SAMD11: variants seen among roughly 807,000 people sequenced by gnomAD.
The protein encoded by SAMD11 is sterile alpha motif domain-containing protein 11.
Under a neutral mutation model 64.4 loss-of-function variants are expected in SAMD11, and 77 were observed. The observed-to-expected ratio is 1.20, with a 90% CI of 0.99 to 1.44. SAMD11 has a LOEUF of 1.44. SAMD11 is among the 40% of genes most tolerant of loss of function. The pLI is 0.00. For missense variants in SAMD11, 1,402 were observed against 943.3 expected, an observed-to-expected ratio of 1.49 and a Z score of -6.37; for synonymous variants, 658 against 421.9, an observed-to-expected ratio of 1.56 and a Z score of -6.86.
At position 939,221 on chromosome 1, in the gene SAMD11, C is replaced by T. The variant is rs112697377; in HGVS notation, c.1058-54C>T. On this transcript the variant is annotated intron_variant, in intron 6 of 13. Coordinates refer to ENST00000616016, the MANE Select transcript of SAMD11 (RefSeq NM_001385641.1). ...ACCTCGAGCAGGCACTCTAGAGGGG[C>T]GTGGTCCTCGGCAGTGCCTGGAGAA... 1,187 of 1,553,278 alleles carry T rather than the reference C, an allele frequency of 7.6e-4. 13 individuals are homozygous for T. In the African/African-American group the frequency reaches 0.014, roughly 18 times the overall value.
intron 2 of SAMD11, among the ~76,000 whole-genome samples, chr1:926,323 C>T (rs1041710368): frequency 2.6e-5 from 4 of 152,232 alleles, no homozygotes; most frequent in Admixed American, 1.3e-4. Context: ...GGTCTTCTCC[C>T]TGGGAGGAGT....
Position 944,506 on chromosome 1 carries a change from A to C in SAMD11, c.*353A>C. 4 of 636,446 alleles carry C rather than the reference A, an allele frequency of 6.3e-6. No homozygotes were observed. Among genetic ancestry groups the C allele is most frequent in the South Asian group, 4.1e-5 (2 of 48,576 alleles). The allele number at this position is 636,446 out of a possible 1,614,324, so 39.4% of individuals were successfully genotyped here. ...ACAGCTGTGGGGCTTCAGCAGCCACACCAGCCCAGCCCAGCCCAGCTCTCG... is the reference window on the plus strand; with the variant it reads ...ACAGCTGTGGGGCTTCAGCAGCCACCCCAGCCCAGCCCAGCCCAGCTCTCG... On this transcript the variant is annotated 3_prime_UTR_variant, in exon 14 of 14. Transcript: ENST00000616016.
intron 6 of SAMD11, 62 bp downstream of exon 6, chr1:939,191 C>T (rs1641615471): frequency 2.6e-6 from 4 of 1,552,386 alleles, no homozygotes; most frequent in Non-Finnish European, 3.5e-6. Flanking sequence ...CTGAGGGTCC[C>T]CTGGACCTCG....
intron 12 of SAMD11, 108 bp downstream of exon 12, chr1:943,485 C>T (rs1283282726): frequency 2.7e-6 from 3 of 1,110,858 alleles, no homozygotes; most frequent in African/African-American, 1.6e-5. Flanking sequence ...CTCTCCCTCC[C>T]CAAAAGCAGT....
In SAMD11 at chr1:941,157, C is replaced by G. The variant is rs1641742585; in HGVS notation, c.1209C>G (p.Val403=). Residue 403 remains valine, a synonymous_variant, in exon 8 of 14, where the codon GTC becomes GTG. Coordinates refer to ENST00000616016, the MANE Select transcript of SAMD11 (RefSeq NM_001385641.1). ...TCCCCCACCCAGATCTCCTGAGGGT[C>G]CGGCAGGAGGTGGCGGCTGCAGCTC... The part of the protein sequence containing the change: ...LGLPSHDLLR[V]RQEVAAAALR... 6.3e-7 allele frequency: 1 copy of G among 1,599,912 alleles called. No homozygotes were observed. Among genetic ancestry groups the G allele is most frequent in the African/African-American group, 1.3e-5 (1 of 74,582 alleles).
intron 2 of SAMD11, among the ~76,000 whole-genome samples, chr1:929,363 G>C (rs1237122197): frequency 6.6e-6 from 1 of 152,216 alleles, no homozygotes; most frequent in Non-Finnish European, 1.5e-5. Flanking sequence ...TGCGGGGCAG[G>C]GTTTGCGGAA....
At chr1:942,027 T>C (rs528264851) in intron 8 of SAMD11, 109 bp from the exon 9 acceptor site, 26 of 432,716 alleles carry the variant, frequency 6.0e-5, no homozygotes, top group African/African-American at 5.2e-4. Flanking sequence ...GAGCTGCGCA[T>C]CGACCGCCCG....
chr1:925,773 G>C (rs995710020), intron 1 of SAMD11, 149 bp from the exon 2 acceptor site: 14 of 629,962 alleles, frequency 2.2e-5, no homozygotes, highest in Non-Finnish European at 3.5e-5. Context: ...AGGGTGGGAC[G>C]GGAAGCGGGC....
rs748103865 is a variant in SAMD11, at chr1:944,056, G to A, written c.2438G>A (p.Gly813Glu). The A allele has an allele frequency of 3.5e-5, 57 of 1,612,738 alleles. 1 individual carries two copies. The South Asian group carries it at 6.0e-4, about 17-fold the overall frequency. ...SPTTATSPYG[G>E]GHALAGQTSP... ...ACGACGGCCACGTCCCCCTATGGAG[G>A]GGGCCACGCCCTTGCCGGTCAAACT... Residue 813 changes from glycine to glutamate, a missense_variant, in exon 14 of 14, where the codon GGG becomes GAG. Coordinates refer to ENST00000616016, the MANE Select transcript of SAMD11 (RefSeq NM_001385641.1).
intron 4 of SAMD11, among the ~76,000 whole-genome samples, chr1:935,398 C>T (rs914577880): frequency 2.0e-5 from 3 of 152,100 alleles, no homozygotes; most frequent in South Asian, 2.1e-4. Context: ...TGCAGGACTG[C>T]CCCTGAGCAG....
At position 935,836 on chromosome 1, in the gene SAMD11, G is replaced by C. The variant is rs766920989; in HGVS notation, c.907G>C (p.Glu303Gln). The change falls in exon 5 of 14, where the codon GAG becomes CAG. Residue 303 changes from glutamate to glutamine, a missense_variant. Glu to Gln is a conservative substitution (Grantham distance 29). Transcript: ENST00000616016. ...VHRSRHLVMP[E>Q]HQSRCEFQRG... ...CCGCAGCCGCCACCTCGTTATGCCC[G>C]AGCATCAGAGCCGCTGTGAATTCCA... 3 of 1,613,348 alleles carry C rather than the reference G, an allele frequency of 1.9e-6. No individual in the cohort carries two copies. Among genetic ancestry groups the C allele is most frequent in the Non-Finnish European group, 2.5e-6 (3 of 1,179,866 alleles).
intron 4 of SAMD11, among the ~76,000 whole-genome samples, chr1:935,528 C>T (rs1265182225): frequency 6.6e-6 from 1 of 152,186 alleles, no homozygotes; most frequent in African/African-American, 2.4e-5. Context: ...CCACATAGAC[C>T]CTCCCTGGAG....
At chr1:925,836 G>A in intron 1 of SAMD11, 86 bp from the exon 2 acceptor site, 2 of 954,714 alleles carry the variant, frequency 2.1e-6, no homozygotes, top group Non-Finnish European at 3.4e-6. Flanking sequence ...TCGTCCACGA[G>A]CCGGGGAGGG....
At chr1:933,489 C>G (rs1641264564) in intron 4 of SAMD11, among the ~76,000 whole-genome samples, 1 of 152,174 alleles carries the variant, frequency 6.6e-6, no homozygotes, top group African/African-American at 2.4e-5. Flanking sequence ...TGCCAGCCCC[C>G]AACCTCTGGA....
chr1:938,854 G>A (rs1412865962), intron 5 of SAMD11, among the ~76,000 whole-genome samples, 186 bp from the exon 6 acceptor site: 1 of 152,150 alleles, frequency 6.6e-6, no homozygotes, highest in South Asian at 2.1e-4. Flanking sequence ...CCCCTGTCCC[G>A]CCACAGCCAG....
rs1553159956 is a variant in SAMD11, at chr1:940,304, C to CCCCCG, written c.1196-832_1196-828dup. 2.8e-5 allele frequency: 4 copies of CCCCCG among 143,776 alleles called. No individual in the cohort carries two copies. The South Asian group carries it at 6.6e-4, about 24-fold the overall frequency. 8.9% of individuals were successfully genotyped at this position (143,776 alleles called of 1,614,324 possible). ...AATCAGGCCGCGCCGCCGCCCCCCC[C>CCCCCG]CCCCGCCCCGCCGCGGAGCCGGCCG... is the stretch of plus-strand genomic sequence containing the variant. On this transcript the variant is annotated intron_variant, in intron 7 of 13. Coordinates refer to ENST00000616016, the MANE Select transcript of SAMD11 (RefSeq NM_001385641.1).
Position 943,729 on chromosome 1 carries a change from C to T in SAMD11, c.2210C>T (p.Thr737Ile), listed in dbSNP as rs1166626263. ...AGGGAGCAGGGGATCGACGGGGAGA[C>T]CCTGCCACTGCTGACGGAGGAGCAC... ...VFREQGIDGE[T>I]LPLLTEEHLL... The change falls in exon 13 of 14, where the codon ACC (threonine) becomes ATC (isoleucine). Residue 737 changes from threonine to isoleucine, a missense_variant. Transcript: ENST00000616016. 1.3e-5 allele frequency: 21 copies of T among 1,602,206 alleles called. No individual in the cohort carries two copies. The highest frequency in any genetic ancestry group is 1.7e-5 in the Non-Finnish European group (20 of 1,173,458).
intron 5 of SAMD11, among the ~76,000 whole-genome samples, chr1:936,543 C>T (rs986308603): frequency 2.0e-5 from 3 of 152,132 alleles, no homozygotes; most frequent in African/African-American, 7.2e-5. Context: ...ACCAGGCCCC[C>T]CTCAGAGGGC....
chr1:928,406 G>A (rs1240616693), intron 2 of SAMD11, among the ~76,000 whole-genome samples: 4 of 152,242 alleles, frequency 2.6e-5, no homozygotes, highest in Non-Finnish European at 5.9e-5. Flanking sequence ...AACTAAAAAA[G>A]AAGAGAGGTG....
Sources: allele counts gnomAD v4.1 joint callset (sites outside exome capture counted in the v4.1 genomes callset), GRCh38; gene constraint gnomAD v4.1.1; transcripts MANE v1.5; gene names NCBI Gene and HGNC (gene_info 2026-07-23, HGNC 2026-07-21).